The following FMN1 variants were observed in gnomAD, a reference collection of about 807,000 sequenced individuals.
The protein encoded by FMN1 is formin-1.
A neutral mutation model predicts 132.4 loss-of-function variants in FMN1; 110 were observed. The observed-to-expected ratio is 0.83, with a 90% CI of 0.71 to 0.97. The LOEUF is 0.97. FMN1 is among the 50% of genes least tolerant of loss of function. The probability of loss-of-function intolerance (pLI) is 0.00; values close to 1 mark genes in which losing one functional copy is unlikely to be tolerated. For synonymous variants in FMN1, 722 were observed against 651.7 expected, an observed-to-expected ratio of 1.11 and a Z score of -1.64; for missense variants, 1,792 against 1,705.3, an observed-to-expected ratio of 1.05 and a Z score of -0.90.
intron 8 of FMN1, among the ~76,000 whole-genome samples, chr15:32,964,545 G>C (rs1287149007): frequency 6.6e-6 from 1 of 152,152 alleles, no homozygotes; most frequent in African/African-American, 2.4e-5. Flanking sequence ...CCTGGGATTC[G>C]GATTCCTGGG....
intron 9 of FMN1, among the ~76,000 whole-genome samples, chr15:32,960,335 C>G (rs2030370149): frequency 6.6e-6 from 1 of 152,118 alleles, no homozygotes; most frequent in Non-Finnish European, 1.5e-5. Flanking sequence ...AAATCCACCC[C>G]CATGATTTAA....
intron 12 of FMN1, among the ~76,000 whole-genome samples, chr15:32,903,871 G>C (rs2060355663): frequency 6.6e-6 from 1 of 152,174 alleles, no homozygotes; most frequent in South Asian, 2.1e-4. Flanking sequence ...AGCTCTTAAA[G>C]AATCTTAAAT....
chr15:33,147,658 C>A (rs1964280033), intron 4 of FMN1, among the ~76,000 whole-genome samples: 3 of 152,196 alleles, frequency 2.0e-5, no homozygotes, highest in Admixed American at 1.3e-4. Flanking sequence ...ACATCAGATT[C>A]TGGCCATGGT....
chr15:33,150,103 C>G, intron 4 of FMN1: 1 of 985,442 alleles, frequency 1.0e-6, no homozygotes, highest in Non-Finnish European at 1.2e-6. Flanking sequence ...CAGGATTACT[C>G]AAGAGCATAC....
At chr15:33,124,905 G>A (rs903847869) in intron 4 of FMN1, among the ~76,000 whole-genome samples, 3 of 151,416 alleles carry the variant, frequency 2.0e-5, no homozygotes, top group Non-Finnish European at 4.4e-5. Flanking sequence ...TGGCACAAGG[G>A]CAAATGTTAA....
intron 19 of FMN1, among the ~76,000 whole-genome samples, chr15:32,797,092 T>C (rs2057314402): frequency 6.6e-6 from 1 of 150,680 alleles, no homozygotes; most frequent in Non-Finnish European, 1.5e-5. Flanking sequence ...GAATCAGAGA[T>C]ACTGTCATTT....
intron 6 of FMN1, chr15:33,012,768 T>C (rs1238752495): frequency 1.9e-5 from 14 of 720,100 alleles, no homozygotes; most frequent in Non-Finnish European, 3.1e-5. Context: ...TCTTTGGTTA[T>C]GGAGAAAACT....
intron 8 of FMN1, among the ~76,000 whole-genome samples, chr15:32,968,244 T>C (rs2031430881): frequency 6.6e-6 from 1 of 152,258 alleles, no homozygotes; most frequent in Non-Finnish European, 1.5e-5. Context: ...TGTCTCATTC[T>C]TTTAATAAAA....
intron 17 of FMN1, among the ~76,000 whole-genome samples, chr15:32,843,389 A>G (rs944062886): frequency 6.6e-6 from 1 of 152,200 alleles, no homozygotes; most frequent in Non-Finnish European, 1.5e-5. Flanking sequence ...TCATGACTAC[A>G]AACTAGAAAC....
intron 17 of FMN1, among the ~76,000 whole-genome samples, chr15:32,832,556 G>C (rs1314017394): frequency 6.6e-6 from 1 of 152,110 alleles, no homozygotes; most frequent in Non-Finnish European, 1.5e-5. Context: ...GAGGCGGGCA[G>C]ATCATGAAGT....
chr15:32,798,730 A>C (rs2057375887), intron 19 of FMN1, 74 bp downstream of exon 19: 2 of 1,294,078 alleles, frequency 1.5e-6, no homozygotes, highest in East Asian at 4.9e-5. Flanking sequence ...TGAAATAGAC[A>C]CACTTTGATA....
At chr15:32,956,360 C>CTT (rs68023229) in intron 9 of FMN1, among the ~76,000 whole-genome samples, 30 of 147,506 alleles carry the variant, frequency 2.0e-4, no homozygotes, top group Non-Finnish European at 3.8e-4. Context: ...CCTAACCACT[C>CTT]TTTTTTTTTT....
chr15:32,809,423 C>T (rs1416822085), intron 17 of FMN1, among the ~76,000 whole-genome samples: 3 of 152,246 alleles, frequency 2.0e-5, no homozygotes, highest in South Asian at 2.1e-4. Context: ...CTCACTGGTT[C>T]CCCCTCTGAA....
intron 5 of FMN1, among the ~76,000 whole-genome samples, chr15:33,076,645 A>T (rs2038222263): frequency 6.6e-6 from 1 of 152,156 alleles, no homozygotes; most frequent in Non-Finnish European, 1.5e-5. Flanking sequence ...TATGAGAAAG[A>T]TGTCATTAAT....
At chr15:32,915,682 A>G (rs1437109142) in intron 10 of FMN1, among the ~76,000 whole-genome samples, 1 of 152,242 alleles carries the variant, frequency 6.6e-6, no homozygotes. Flanking sequence ...TATAGGTCTC[A>G]TTATACTAAC....
intron 6 of FMN1, among the ~76,000 whole-genome samples, chr15:33,046,096 T>C (rs1041746235): frequency 1.3e-5 from 2 of 152,094 alleles, no homozygotes; most frequent in African/African-American, 4.8e-5. Flanking sequence ...ATGTATATTA[T>C]ATCACATATA....
chr15:33,050,306 T>TG (rs1220396438), intron 6 of FMN1, among the ~76,000 whole-genome samples: 17 of 152,176 alleles, frequency 1.1e-4, no homozygotes, highest in African/African-American at 4.1e-4. Flanking sequence ...TTTCACTACA[T>TG]AAAACTTTTG....
chr15:32,848,009 T>A (rs1293798359), intron 17 of FMN1, among the ~76,000 whole-genome samples: 1 of 152,130 alleles, frequency 6.6e-6, no homozygotes, highest in Non-Finnish European at 1.5e-5. Context: ...GTCGGGGTAA[T>A]CTGAGAGAAG....
intron 10 of FMN1, among the ~76,000 whole-genome samples, chr15:32,918,908 C>T (rs143655028): frequency 6.6e-6 from 1 of 152,098 alleles, no homozygotes; most frequent in African/African-American, 2.4e-5. Context: ...GGGAGCCCCG[C>T]TGCTTAGGTG....
Sources: allele counts gnomAD v4.1 joint callset (sites outside exome capture counted in the v4.1 genomes callset), GRCh38; gene constraint gnomAD v4.1.1; transcripts MANE v1.5; gene names NCBI Gene and HGNC (gene_info 2026-07-23, HGNC 2026-07-21).